The following CC2D2A variants were observed in gnomAD, a reference collection of about 807,000 sequenced individuals.
The protein encoded by CC2D2A is coiled-coil and C2 domain-containing protein 2A.
A neutral mutation model predicts 212.9 loss-of-function variants in CC2D2A; 155 were observed. That is an observed-to-expected ratio of 0.73 (90% confidence interval 0.64 to 0.83). The LOEUF is 0.83. CC2D2A is among the 40% of genes least tolerant of loss of function. The probability of loss-of-function intolerance (pLI) is 0.00; values close to 1 mark genes in which losing one functional copy is unlikely to be tolerated. For missense variants in CC2D2A, 1,856 were observed against 1,956.2 expected (o/e 0.95, Z 0.97); for synonymous variants, 667 against 686.5 (o/e 0.97, Z 0.44).
intron 13 of CC2D2A, among the ~76,000 whole-genome samples, chr4:15,532,371 T>G (rs1717890875): frequency 6.6e-6 from 1 of 152,190 alleles, no homozygotes; most frequent in Admixed American, 6.5e-5. Context: ...GACTTAGGCC[T>G]GCCTTCTGGA....
At chr4:15,565,572 A>C (rs188113351) in intron 24 of CC2D2A, among the ~76,000 whole-genome samples, 33 of 152,268 alleles carry the variant, frequency 2.2e-4, no homozygotes, top group Admixed American at 2.1e-3. Context: ...ATGGGGCCTA[A>C]AATATAGGTA....
chr4:15,557,773 T>G (rs1012294170), intron 21 of CC2D2A, among the ~76,000 whole-genome samples: 1 of 152,136 alleles, frequency 6.6e-6, no homozygotes, highest in Admixed American at 6.5e-5. Context: ...AATTGTAGGG[T>G]TGAAAAATAT....
chr4:15,560,686 T>C, intron 23 of CC2D2A, 64 bp downstream of exon 23: 2 of 712,440 alleles, frequency 2.8e-6, no homozygotes, highest in South Asian at 3.9e-5. Context: ...CTCTATTATA[T>C]GAAAGGTATC....
At chr4:15,494,374 GA>G (rs1172333863) in intron 4 of CC2D2A, among the ~76,000 whole-genome samples, 1 of 152,196 alleles carries the variant, frequency 6.6e-6, no homozygotes, top group African/African-American at 2.4e-5. Context: ...ATGCTAGTGG[GA>G]CTCGGAAAGA....
intron 17 of CC2D2A, among the ~76,000 whole-genome samples, chr4:15,545,830 C>T (rs1053500935): frequency 6.6e-6 from 1 of 152,130 alleles, no homozygotes; most frequent in Non-Finnish European, 1.5e-5. Context: ...AGAGTTGGGC[C>T]AGGCACAGTG....
intron 4 of CC2D2A, among the ~76,000 whole-genome samples, chr4:15,488,862 C>A (rs1156832689): frequency 1.3e-5 from 2 of 152,246 alleles, no homozygotes; most frequent in African/African-American, 4.8e-5. Flanking sequence ...GAAACCCATG[C>A]AGTGAAAGCT....
At position 15,553,269 on chromosome 4, in the gene CC2D2A, T is replaced by G. The variant is rs766961943; in HGVS notation, c.2450T>G (p.Ile817Ser). ...ATTGGAGAAAACGGGATACCTTTAATTCCTCCATTGTCACAGCAGAACATC... is the reference window on the plus strand; with the variant it reads ...ATTGGAGAAAACGGGATACCTTTAAGTCCTCCATTGTCACAGCAGAACATC... ...WAIGENGIPL[I>S]PPLSQQNIGF... Residue 817 changes from isoleucine (I) to serine (S), a missense_variant, in exon 19 of 37, where the codon ATT becomes AGT. Coordinates refer to ENST00000424120, the MANE Select transcript of CC2D2A (RefSeq NM_001378615.1). The G allele has an allele frequency of 6.2e-7, 1 of 1,613,318 alleles. No individual in the cohort carries two copies. Among genetic ancestry groups the G allele is most frequent in the Non-Finnish European group, 8.5e-7 (1 of 1,179,640 alleles).
chr4:15,560,574 A>G lies in CC2D2A; in HGVS notation c.2966A>G (p.Tyr989Cys). The G allele has an allele frequency of 6.5e-7, 1 of 1,533,656 alleles. No homozygotes were observed. The highest frequency in any genetic ancestry group is 1.4e-5 in the African/African-American group (1 of 73,202). Residue 989 changes from tyrosine (Y) to cysteine (C), a missense_variant, in exon 23 of 37, where the codon TAT becomes TGT. Physicochemically the swap from Tyr to Cys is radical, Grantham distance 194. Around this residue, in one of 5 missense-constraint regions of CC2D2A, gnomAD observed 1,512 missense variants for 1,579.3 expected, o/e 0.96. Coordinates refer to ENST00000424120, the MANE Select transcript of CC2D2A (RefSeq NM_001378615.1). ...AATCGTTTCTTAATTGCAAAACAAT[A>G]TTTTCTTCTTGCTGATATGATAGTA... ...VINRFLIAKQ[Y>C]FLLADMIVEE...
intron 29 of CC2D2A, among the ~76,000 whole-genome samples, chr4:15,576,917 C>T (rs1387764318): frequency 2.6e-5 from 4 of 152,240 alleles, no homozygotes; most frequent in African/African-American, 9.6e-5. Flanking sequence ...ATAAAACCCA[C>T]GAGCTGCTTC....
At chr4:15,564,611 T>C (rs966485692) in intron 24 of CC2D2A, among the ~76,000 whole-genome samples, 2 of 152,152 alleles carry the variant, frequency 1.3e-5, no homozygotes, top group Non-Finnish European at 2.9e-5. Flanking sequence ...CCTTGGTGTC[T>C]TTTCTCCCTA....
chr4:15,554,202 T>G (rs897004138), intron 19 of CC2D2A, among the ~76,000 whole-genome samples: 1 of 152,200 alleles, frequency 6.6e-6, no homozygotes, highest in Admixed American at 6.5e-5. Context: ...TTGCATTTAG[T>G]GCTAGAAAAA....
intron 32 of CC2D2A, among the ~76,000 whole-genome samples, chr4:15,589,214 T>A (rs1720982444): frequency 6.6e-6 from 1 of 152,168 alleles, no homozygotes; most frequent in South Asian, 2.1e-4. Flanking sequence ...ATGGCAGTCT[T>A]ACTGACTCTA....
chr4:15,575,853 T>C (rs1010852892), intron 29 of CC2D2A, among the ~76,000 whole-genome samples: 2 of 152,184 alleles, frequency 1.3e-5, no homozygotes, highest in African/African-American at 2.4e-5. Flanking sequence ...TCTATGTATA[T>C]GTAACAGAAG....
At chr4:15,558,083 C>G (rs75991312) in intron 21 of CC2D2A, among the ~76,000 whole-genome samples, 5 of 152,198 alleles carry the variant, frequency 3.3e-5, no homozygotes, top group African/African-American at 9.6e-5. Flanking sequence ...GGTGGAGGAG[C>G]CTTTGAGGAA....
At chr4:15,515,127 G>A (rs1716788630) in intron 9 of CC2D2A, among the ~76,000 whole-genome samples, 1 of 152,160 alleles carries the variant, frequency 6.6e-6, no homozygotes, top group African/African-American at 2.4e-5. Flanking sequence ...CCATTACAGG[G>A]GCTTAGAGTT....
chr4:15,484,910 C>G (rs558510031), intron 4 of CC2D2A, among the ~76,000 whole-genome samples: 1 of 152,166 alleles, frequency 6.6e-6, no homozygotes, highest in East Asian at 1.9e-4. Flanking sequence ...TCTAGAATGT[C>G]CCTTTCCCAC....
intron 13 of CC2D2A, among the ~76,000 whole-genome samples, chr4:15,529,685 T>C (rs6811445): frequency 0.73 from 110,944 of 151,440 alleles, 40,702 homozygotes; most frequent in East Asian, 0.79. Flanking sequence ...ATTTGCATTT[T>C]TATTCTATTT....
chr4:15,514,364 T>C (rs966242801), intron 8 of CC2D2A, among the ~76,000 whole-genome samples: 1 of 152,184 alleles, frequency 6.6e-6, no homozygotes, highest in Non-Finnish European at 1.5e-5. Context: ...AACTGCTACA[T>C]AAATTATGAG....
chr4:15,510,024 A>G, intron 6 of CC2D2A, 115 bp from the exon 7 acceptor site: 1 of 754,230 alleles, frequency 1.3e-6, no homozygotes, highest in Non-Finnish European at 2.2e-6. Flanking sequence ...GAATGATAAG[A>G]TGCAGCAGCA....
Sources: allele counts gnomAD v4.1 joint callset (sites outside exome capture counted in the v4.1 genomes callset), GRCh38; gene constraint gnomAD v4.1.1; regional missense constraint gnomAD v4.1.1; transcripts MANE v1.5; gene names NCBI Gene and HGNC (gene_info 2026-07-23, HGNC 2026-07-21).